LRRC4C: variants seen among roughly 807,000 people sequenced by gnomAD.
LRRC4C encodes the protein leucine rich repeat containing 4C, also known as leucine-rich repeat-containing protein 4C.
LRRC4C carries 5 observed loss-of-function variants against 33.6 expected under a neutral mutation model. The observed-to-expected ratio is 0.15, with a 90% CI of 0.08 to 0.31. The LOEUF (loss-of-function observed/expected upper bound fraction) is 0.31, where lower values mean the gene tolerates loss of function less well. LRRC4C is among the 10% of genes least tolerant of loss of function. The pLI, the probability that LRRC4C is intolerant of heterozygous loss-of-function variation, is 1.00. For synonymous variants in LRRC4C, 329 were observed against 302.0 expected (o/e 1.09, Z -0.93); for missense variants, 560 against 796.7 (o/e 0.70, Z 3.58).
In LRRC4C at chr11:40,671,646, AGTGTGTGT is replaced by A. The variant is rs145275244; in HGVS notation, c.-406-23376_-406-23369del. On this transcript the variant is annotated intron_variant, in intron 2 of 6. Transcript: ENST00000528697. Reference sequence around the variant, plus strand: ...CATTCCTTCATTCTTGTCCTTATTCAGTGTGTGTGTGTGTGTGTGTGTGTGTGTGTGTA... The same window carrying A: ...CATTCCTTCATTCTTGTCCTTATTCAGTGTGTGTGTGTGTGTGTGTGTGTA... Among the ~76,000 whole-genome samples, 720 of 140,562 alleles carry A rather than the reference AGTGTGTGT, an allele frequency of 5.1e-3. 10 individuals carry two copies. Among genetic ancestry groups the A allele is most frequent in the African/African-American group, 0.017 (661 of 38,124 alleles). 92.2% of individuals were successfully genotyped at this position (140,562 alleles called of 152,430 possible). A position where few individuals can be genotyped will look rare whatever the true frequency, so the allele number is the denominator to read the frequency against.
chr11:41,419,326 A>G (rs551618422), intron 1 of LRRC4C, among the ~76,000 whole-genome samples: 198 of 152,060 alleles, frequency 1.3e-3, no homozygotes, highest in African/African-American at 4.5e-3. Flanking sequence ...GACTCTTATA[A>G]TATAGGCTAA....
chr11:40,553,467 C>T (rs1410417990), intron 3 of LRRC4C, among the ~76,000 whole-genome samples: 5 of 152,110 alleles, frequency 3.3e-5, no homozygotes, highest in Non-Finnish European at 7.4e-5. Flanking sequence ...ACTCTGACAG[C>T]ATCATTTTCT....
chr11:41,359,459 A>T (rs796573826), intron 1 of LRRC4C, among the ~76,000 whole-genome samples: 4 of 152,250 alleles, frequency 2.6e-5, no homozygotes, highest in African/African-American at 9.6e-5. Context: ...GGTACATGGG[A>T]CATCTCTGTA....
chr11:40,148,933 A>G (rs1165944552), intron 5 of LRRC4C, among the ~76,000 whole-genome samples: 1 of 152,222 alleles, frequency 6.6e-6, no homozygotes. Context: ...TTAATTGAAT[A>G]TGGAGTCCTT....
At chr11:40,331,652 A>G (rs1946368205) in intron 3 of LRRC4C, among the ~76,000 whole-genome samples, 1 of 152,124 alleles carries the variant, frequency 6.6e-6, no homozygotes, top group Non-Finnish European at 1.5e-5. Flanking sequence ...GCCCTAATAT[A>G]ACCACAAGGT....
chr11:40,779,230 G>C (rs566679706), intron 2 of LRRC4C, among the ~76,000 whole-genome samples: 1 of 152,114 alleles, frequency 6.6e-6, no homozygotes, highest in African/African-American at 2.4e-5. Context: ...GATGATTCAA[G>C]TTTTTGGCTT....
intron 3 of LRRC4C, among the ~76,000 whole-genome samples, chr11:40,391,796 T>C (rs1022433181): frequency 1.8e-4 from 27 of 152,076 alleles, no homozygotes; most frequent in African/African-American, 6.3e-4. Flanking sequence ...AAAAAAAATA[T>C]TTACCCAAAT....
intron 5 of LRRC4C, among the ~76,000 whole-genome samples, chr11:40,156,947 G>A (rs562352623): frequency 2.0e-5 from 3 of 151,848 alleles, no homozygotes; most frequent in African/African-American, 2.4e-5. Flanking sequence ...AAAAGAGCCC[G>A]TATAGCCAAA....
chr11:40,597,068 T>G (rs1375390414), intron 3 of LRRC4C, among the ~76,000 whole-genome samples: 1 of 152,172 alleles, frequency 6.6e-6, no homozygotes, highest in Non-Finnish European at 1.5e-5. Flanking sequence ...AGATTTATAC[T>G]GCTACATATA....
intron 3 of LRRC4C, among the ~76,000 whole-genome samples, chr11:40,386,083 A>T (rs988423083): frequency 6.6e-6 from 1 of 151,596 alleles, no homozygotes; most frequent in Admixed American, 6.6e-5. Context: ...ATAATAAATT[A>T]AAAAACATTA....
chr11:40,167,757 C>T (rs1177444302), intron 5 of LRRC4C, among the ~76,000 whole-genome samples: 1 of 152,034 alleles, frequency 6.6e-6, no homozygotes, highest in Non-Finnish European at 1.5e-5. Flanking sequence ...CACTTCAAAC[C>T]TACTCACCCT....
chr11:40,561,766 A>T (rs1347099750), intron 3 of LRRC4C, among the ~76,000 whole-genome samples: 3 of 152,132 alleles, frequency 2.0e-5, no homozygotes, highest in Admixed American at 2.0e-4. Flanking sequence ...TAAACCTTTC[A>T]TTGTGTTGGT....
intron 5 of LRRC4C, among the ~76,000 whole-genome samples, chr11:40,181,437 C>A (rs1234392024): frequency 6.6e-6 from 1 of 152,152 alleles, no homozygotes; most frequent in East Asian, 1.9e-4. Flanking sequence ...TGTGATTTAG[C>A]CTTTTCTGGA....
At chr11:40,529,117 A>G (rs571896115) in intron 3 of LRRC4C, among the ~76,000 whole-genome samples, 1 of 152,246 alleles carries the variant, frequency 6.6e-6, no homozygotes, top group South Asian at 2.1e-4. Flanking sequence ...TCAGCACTAT[A>G]GTGTGTTATA....
At chr11:40,867,867 G>C (rs1037217314) in intron 2 of LRRC4C, among the ~76,000 whole-genome samples, 36 of 152,096 alleles carry the variant, frequency 2.4e-4, no homozygotes, top group African/African-American at 8.2e-4. Context: ...ACCCCATCCA[G>C]CATGCTCATT....
At chr11:40,604,022 T>C (rs1960300876) in intron 3 of LRRC4C, among the ~76,000 whole-genome samples, 1 of 152,130 alleles carries the variant, frequency 6.6e-6, no homozygotes, top group Non-Finnish European at 1.5e-5. Context: ...AAGTAAAATA[T>C]ACCCACGTAT....
intron 1 of LRRC4C, among the ~76,000 whole-genome samples, chr11:41,405,117 C>T (rs1954180491): frequency 6.6e-6 from 1 of 151,982 alleles, no homozygotes. Context: ...TTTGGAAGTT[C>T]ATATGATGCT....
chr11:41,212,810 G>T (rs2136324989), intron 1 of LRRC4C, among the ~76,000 whole-genome samples: 1 of 152,272 alleles, frequency 6.6e-6, no homozygotes, highest in East Asian at 1.9e-4. Flanking sequence ...TGGCTGCATA[G>T]TATTCCATGG....
At chr11:40,808,633 C>T (rs1297233354) in intron 2 of LRRC4C, among the ~76,000 whole-genome samples, 1 of 152,138 alleles carries the variant, frequency 6.6e-6, no homozygotes, top group Non-Finnish European at 1.5e-5. Flanking sequence ...CCTGACTTGC[C>T]TCACTTAAAA....
Sources: gnomAD v4.1 joint callset for allele counts (sites outside exome capture counted in the v4.1 genomes callset) on GRCh38, gnomAD v4.1.1 for gene constraint, MANE v1.5 for transcripts, NCBI Gene and HGNC (gene_info 2026-07-23, HGNC 2026-07-21) for gene names.